The following ST6GAL1 variants were observed in gnomAD, a reference collection of about 807,000 sequenced individuals.
ST6GAL1 encodes beta-galactoside alpha-2,6-sialyltransferase 1.
Under a neutral mutation model 38.0 loss-of-function variants are expected in ST6GAL1, and 20 were observed. The ratio of observed to expected loss-of-function variants is 0.53; its 90% CI spans 0.37 to 0.77. The LOEUF (loss-of-function observed/expected upper bound fraction) is 0.77. Among genes scored for constraint, ST6GAL1 ranks in the 30% least tolerant of loss-of-function variants. ST6GAL1 has a pLI of 0.00. For synonymous variants in ST6GAL1, 196 were observed against 188.2 expected (o/e 1.04, Z -0.34); for missense variants, 432 against 496.4 (o/e 0.87, Z 1.23).
At chr3:186,997,037 C>T (rs1453902756) in intron 2 of ST6GAL1, among the ~76,000 whole-genome samples, 3 of 151,748 alleles carry the variant, frequency 2.0e-5, no homozygotes, top group Non-Finnish European at 4.4e-5. Context: ...GTGTTGGAGG[C>T]GGGCAGGTGG....
chr3:186,946,442 C>T (rs1020432375), intron 1 of ST6GAL1, among the ~76,000 whole-genome samples: 15 of 151,966 alleles, frequency 9.9e-5, no homozygotes, highest in Middle Eastern at 3.2e-3. Flanking sequence ...AGTGCAGTGG[C>T]GCGGTCACTG....
In ST6GAL1 at chr3:187,051,235, T is replaced by A; in HGVS notation, c.608-14T>A. 4.3e-6 allele frequency: 7 copies of A among 1,613,096 alleles called. No homozygotes were observed. Among genetic ancestry groups the A allele is most frequent in the Non-Finnish European group, 5.9e-6 (7 of 1,179,134 alleles). ...GTGCTCATCACCTCTTTTCTGTTTC[T>A]TTGTGGTTTATAGATGATCATGACG... On this transcript the variant is annotated splice_polypyrimidine_tract_variant and intron_variant, in intron 4 of 7. Coordinates refer to ENST00000169298, the MANE Select transcript of ST6GAL1 (RefSeq NM_173216.2).
At chr3:186,933,908 A>C (rs1051635642) in intron 1 of ST6GAL1, among the ~76,000 whole-genome samples, 1 of 152,202 alleles carries the variant, frequency 6.6e-6, no homozygotes, top group Non-Finnish European at 1.5e-5. Flanking sequence ...AGGTATGCTG[A>C]ATAGTGCAAT....
At chr3:186,982,122 G>T (rs932252930) in intron 2 of ST6GAL1, among the ~76,000 whole-genome samples, 1 of 152,242 alleles carries the variant, frequency 6.6e-6, no homozygotes, top group East Asian at 1.9e-4. Context: ...CTAGGTCTGT[G>T]TAGCTCACAA....
chr3:186,964,795 T>C (rs1339614608), intron 2 of ST6GAL1, among the ~76,000 whole-genome samples: 1 of 152,170 alleles, frequency 6.6e-6, no homozygotes, highest in Non-Finnish European at 1.5e-5. Flanking sequence ...TCCGATTAGA[T>C]AAGCAAGCTG....
intron 2 of ST6GAL1, chr3:186,996,604 G>C (rs1579307414): frequency 6.6e-6 from 1 of 152,278 alleles, no homozygotes; most frequent in East Asian, 1.9e-4. Flanking sequence ...TCATGGGTGA[G>C]CTGGAGAACC....
chr3:187,018,224 C>G (rs1016063472), intron 2 of ST6GAL1, among the ~76,000 whole-genome samples: 1 of 152,110 alleles, frequency 6.6e-6, no homozygotes, highest in South Asian at 2.1e-4. Flanking sequence ...AAACCAGATT[C>G]TTCTGGAGAA....
At chr3:187,017,320 G>C (rs76217129) in intron 2 of ST6GAL1, among the ~76,000 whole-genome samples, 93 of 152,240 alleles carry the variant, frequency 6.1e-4, no homozygotes, top group African/African-American at 1.9e-3. Flanking sequence ...GATGTTTATT[G>C]GTCTGGATCC....
At chr3:187,032,754 C>T (rs1292473309) in intron 2 of ST6GAL1, among the ~76,000 whole-genome samples, 3 of 152,106 alleles carry the variant, frequency 2.0e-5, no homozygotes, top group Non-Finnish European at 4.4e-5. Context: ...CCCAGAAAAC[C>T]GTCCTTCTTT....
rs530938053 is a variant in ST6GAL1 at position 187,075,096 on chromosome 3, A to G, written c.980-466A>G. Among the ~76,000 whole-genome samples the G allele has an allele frequency of 4.9e-4, 75 of 152,262 alleles. No homozygotes were observed. Among genetic ancestry groups the G allele is most frequent in the African/African-American group, 1.8e-3 (74 of 41,550 alleles). On this transcript the variant is annotated intron_variant, in intron 7 of 7. Coordinates refer to ENST00000169298, the MANE Select transcript of ST6GAL1 (RefSeq NM_173216.2). This position sits in a 1 kb window ranked among gnomAD's most constrained non-coding sequence, Gnocchi z 4.1. ...AGTCTTCCCTCCCCAACACTGTTTC[A>G]TGCAAATGCTATAAGGAAAAATCTG...
chr3:186,977,931 C>T (rs975976832), intron 2 of ST6GAL1, among the ~76,000 whole-genome samples: 3 of 152,004 alleles, frequency 2.0e-5, no homozygotes, highest in African/African-American at 7.2e-5. Context: ...AAAACAGTCT[C>T]GGCCGGGCGT....
chr3:187,045,699 C>T (rs1454099577), intron 4 of ST6GAL1, among the ~76,000 whole-genome samples: 2 of 152,188 alleles, frequency 1.3e-5, no homozygotes, highest in African/African-American at 2.4e-5. Flanking sequence ...ACTCTTGGCA[C>T]CTCTGCTGTT....
intron 5 of ST6GAL1, among the ~76,000 whole-genome samples, chr3:187,056,402 GT>G (rs1304918599): frequency 1.3e-5 from 2 of 152,178 alleles, no homozygotes; most frequent in African/African-American, 2.4e-5. Context: ...AGCATTGATG[GT>G]TTTTACAATG....
At chr3:186,990,498 T>A (rs1343241144) in intron 2 of ST6GAL1, among the ~76,000 whole-genome samples, 1 of 152,150 alleles carries the variant, frequency 6.6e-6, no homozygotes, top group Non-Finnish European at 1.5e-5. Flanking sequence ...AGACTATTGA[T>A]AGACTTGATG....
At chr3:186,941,091 T>C (rs1226566010) in intron 1 of ST6GAL1, among the ~76,000 whole-genome samples, 1 of 152,164 alleles carries the variant, frequency 6.6e-6, no homozygotes, top group African/African-American at 2.4e-5. Flanking sequence ...TTTTTGGAGA[T>C]AGCCTGCCTG....
At chr3:186,975,532 A>G (rs1385613097) in intron 2 of ST6GAL1, among the ~76,000 whole-genome samples, 1 of 152,184 alleles carries the variant, frequency 6.6e-6, no homozygotes, top group Non-Finnish European at 1.5e-5. Context: ...CTGCCTGGCC[A>G]TCTGCCTTTT....
chr3:187,053,267 T>A (rs1047466240), intron 5 of ST6GAL1, among the ~76,000 whole-genome samples: 1 of 152,216 alleles, frequency 6.6e-6, no homozygotes, highest in African/African-American at 2.4e-5. Flanking sequence ...ACTCTGATGG[T>A]CGTTTCTTTT....
intron 5 of ST6GAL1, among the ~76,000 whole-genome samples, chr3:187,054,693 G>T (rs1369161573): frequency 6.6e-6 from 1 of 152,066 alleles, no homozygotes; most frequent in Non-Finnish European, 1.5e-5. Flanking sequence ...TGCTGGATTT[G>T]GTTTGCCAGT....
chr3:187,037,103 A>T (rs1364477575), intron 2 of ST6GAL1, among the ~76,000 whole-genome samples: 2 of 152,204 alleles, frequency 1.3e-5, no homozygotes, highest in African/African-American at 2.4e-5. Flanking sequence ...GAAGTACAGT[A>T]GCCTGGTCCA....
Sources: gnomAD v4.1 joint callset for allele counts (sites outside exome capture counted in the v4.1 genomes callset) on GRCh38, gnomAD v4.1.1 for gene constraint, Gnocchi (gnomAD v3.1) non-coding constraint, MANE v1.5 for transcripts, NCBI Gene and HGNC (gene_info 2026-07-23, HGNC 2026-07-21) for gene names.